Variants in CCDC171 observed in about 807,000 individuals in gnomAD.
CCDC171 encodes coiled-coil domain containing 171.
In CCDC171, 177 loss-of-function variants were observed where a neutral mutation model predicts 168.2. That is an observed-to-expected ratio of 1.05 (90% CI 0.93 to 1.19). CCDC171 has a LOEUF of 1.19. Ranked by LOEUF, CCDC171 falls within the 50% of genes most tolerant of loss-of-function variation. The probability of loss-of-function intolerance (pLI) is 0.00; values close to 1 mark genes in which losing one functional copy is unlikely to be tolerated. For missense variants in CCDC171, 1,991 were observed against 1,539.0 expected, an observed-to-expected ratio of 1.29 and a Z score of -4.91; for synonymous variants, 687 against 540.8, an observed-to-expected ratio of 1.27 and a Z score of -3.75.
intron 3 of CCDC171, among the ~76,000 whole-genome samples, chr9:15,995,744 A>G (rs1832349320): frequency 6.6e-6 from 1 of 152,242 alleles, no homozygotes; most frequent in African/African-American, 2.4e-5. Flanking sequence ...TTAAAAACTT[A>G]ACACTGTGTG....
intron 6 of CCDC171, among the ~76,000 whole-genome samples, chr9:15,608,825 G>T (rs1207196689): frequency 6.7e-6 from 1 of 149,848 alleles, no homozygotes; most frequent in Non-Finnish European, 1.5e-5. Flanking sequence ...AGGCGTAGTG[G>T]CATATACCTG....
At chr9:16,033,347 A>G (rs1163400805) in intron 6 of CCDC171, among the ~76,000 whole-genome samples, 3 of 152,204 alleles carry the variant, frequency 2.0e-5, no homozygotes, top group Non-Finnish European at 4.4e-5. Context: ...CTGTACTTAC[A>G]GCCACTCTCC....
At position 15,819,886 on chromosome 9, in the gene CCDC171, C is replaced by A. The variant is rs1313709173; in HGVS notation, c.3268-26816C>A. On this transcript the variant is annotated intron_variant, in intron 21 of 25. Coordinates refer to ENST00000380701, the MANE Select transcript of CCDC171 (RefSeq NM_173550.4). ...CTCCACCCCAAATCAATAGAATACA[C>A]ATTCTTTTCAGCACCACACCACACC... Among the ~76,000 whole-genome samples the A allele has an allele frequency of 5.1e-5, 6 of 117,874 alleles. 2 individuals carry two copies. Among genetic ancestry groups the A allele is most frequent in the African/African-American group, 1.9e-4 (6 of 31,356 alleles). The allele number at this position is 117,874 out of a possible 152,430, so 77.3% of individuals were successfully genotyped here.
At chr9:15,789,862 T>C (rs1028473563) in intron 21 of CCDC171, among the ~76,000 whole-genome samples, 10 of 151,576 alleles carry the variant, frequency 6.6e-5, no homozygotes, top group African/African-American at 2.4e-4. Context: ...TTTGGTTTTT[T>C]GTCCCTGCAA....
intron 3 of CCDC171, among the ~76,000 whole-genome samples, chr9:15,999,694 T>C (rs1296738526): frequency 6.6e-6 from 1 of 152,216 alleles, no homozygotes; most frequent in African/African-American, 2.4e-5. Context: ...ATCTGGACAC[T>C]TCATGCAGCC....
chr9:15,981,939 C>G (rs1831809130), intron 3 of CCDC171, among the ~76,000 whole-genome samples: 1 of 152,108 alleles, frequency 6.6e-6, no homozygotes, highest in South Asian at 2.1e-4. Flanking sequence ...TTTTCATGAA[C>G]AGTAAAAAGC....
chr9:15,674,984 T>C (rs1049101752), intron 9 of CCDC171, among the ~76,000 whole-genome samples: 1 of 152,100 alleles, frequency 6.6e-6, no homozygotes, highest in African/African-American at 2.4e-5. Flanking sequence ...ATTATTATTG[T>C]ATGGGAGTCT....
intron 25 of CCDC171, among the ~76,000 whole-genome samples, chr9:15,945,201 A>T (rs1169175246): frequency 6.6e-6 from 1 of 150,450 alleles, no homozygotes; most frequent in Admixed American, 6.7e-5. Flanking sequence ...CCTACAAAGG[A>T]CATGAACTCA....
At chr9:15,992,097 G>C (rs1454307044) in intron 3 of CCDC171, among the ~76,000 whole-genome samples, 1 of 152,124 alleles carries the variant, frequency 6.6e-6, no homozygotes, top group Non-Finnish European at 1.5e-5. Context: ...GCATCATCCT[G>C]ATACCAAAGC....
chr9:15,744,605 C>A lies in CCDC171; in HGVS notation c.2382C>A (p.Phe794Leu), dbSNP rs1294529736. Residue 794 changes from phenylalanine (F) to leucine (L), a missense_variant, in exon 17 of 26, where the codon TTC (phenylalanine) becomes TTA (leucine). Phe to Leu is a conservative substitution (Grantham distance 22). Transcript: ENST00000380701. ...AAGCCAAGATGAAAAAGAAAACATT[C>A]AAAGGATTGATACGTATATTTCGGA... Reference protein sequence around the residue: ...QEEAKMKKKTFKGLIRIFRKG... With the variant: ...QEEAKMKKKTLKGLIRIFRKG... 4.3e-6 allele frequency: 7 copies of A among 1,614,004 alleles called. No homozygotes were observed. Among genetic ancestry groups the A allele is most frequent in the Non-Finnish European group, 5.9e-6 (7 of 1,180,014 alleles).
At chr9:16,105,773 C>T in the CCDC171 span, among the ~76,000 whole-genome samples, 9 of 152,192 alleles carry the variant, frequency 5.9e-5, 1 homozygote, top group Admixed American at 3.9e-4. Flanking sequence ...CTAACCAACA[C>T]GGTTTTTGGC....
rs183917501 is a variant in CCDC171, at chr9:15,921,269, C to T, written c.3753+847C>T. On this transcript the variant is annotated intron_variant, in intron 25 of 25. Transcript: ENST00000380701. ...GATGCATGGCTGTGGTCTGATTCCT[C>T]ACCTTCTAGTCTTGGCTCAAGTGCC... Among the ~76,000 whole-genome samples the T allele has an allele frequency of 5.3e-5, 8 of 151,754 alleles. 1 individual carries two copies. In the East Asian group the frequency reaches 5.8e-4, roughly 11 times the overall value.
intron 7 of CCDC171, among the ~76,000 whole-genome samples, chr9:15,627,172 T>C (rs2045215238): frequency 6.6e-6 from 1 of 152,190 alleles, no homozygotes; most frequent in South Asian, 2.1e-4. Flanking sequence ...ATCCCCTTTA[T>C]CATTTTTTGT....
chr9:15,967,582 C>T (rs78963013), intron 25 of CCDC171, among the ~76,000 whole-genome samples: 3,417 of 152,172 alleles, frequency 0.022, 54 homozygotes, highest in Non-Finnish European at 0.038. Context: ...TTCTGTCACA[C>T]GTGGAATTAT....
intron 25 of CCDC171, among the ~76,000 whole-genome samples, chr9:15,965,131 T>C (rs1830676306): frequency 6.6e-6 from 1 of 152,152 alleles, no homozygotes; most frequent in Non-Finnish European, 1.5e-5. Context: ...ACATATAAGC[T>C]CCTTTGATGA....
chr9:15,811,649 T>G (rs929649529), intron 21 of CCDC171, among the ~76,000 whole-genome samples: 46 of 152,184 alleles, frequency 3.0e-4, no homozygotes, highest in Admixed American at 1.6e-3. Flanking sequence ...CTACTAATGA[T>G]TTTTTTCTTG....
Position 15,972,148 on chromosome 9 carries a change from T to G in CCDC171, c.*312T>G. 1 of 306,596 alleles carries G rather than the reference T, an allele frequency of 3.3e-6. No homozygotes were observed. Among genetic ancestry groups the G allele is most frequent in the Non-Finnish European group, 6.0e-6 (1 of 166,200 alleles). 19.0% of individuals were successfully genotyped at this position (306,596 alleles called of 1,614,324 possible). A position where few individuals can be genotyped will look rare whatever the true frequency, so the allele number is the denominator to read the frequency against. On this transcript the variant is annotated 3_prime_UTR_variant, in exon 26 of 26. Transcript: ENST00000380701. ...AATCAATAAGCCATTTTAGTCTCTA[T>G]CTATCAAAGTTGTTTCATACTTGTC...
chr9:15,793,551 G>GTTTTTTTTTTTT lies in CCDC171; in HGVS notation c.3267+8875_3267+8886dup, dbSNP rs3082839. ...AGCACCACATCGCACTTATTCCAAG[G>GTTTTTTTTTTTT]TTTTTTTTTTTTTTTTTTTTTTTTT... On this transcript the variant is annotated intron_variant, in intron 21 of 25. Transcript: ENST00000380701. 1.8e-4 allele frequency among the ~76,000 whole-genome samples: 14 copies of GTTTTTTTTTTTT among 77,060 alleles called. 4 individuals carry two copies. The highest frequency in any genetic ancestry group is 9.0e-4 in the African/African-American group (14 of 15,542). The allele number at this position is 77,060 out of a possible 152,430, so 50.6% of individuals were successfully genotyped here.
rs78655287 is a variant in CCDC171, at chr9:15,781,943, A to T, written c.3082-2566A>T. 7.4e-4 allele frequency among the ~76,000 whole-genome samples: 113 copies of T among 152,260 alleles called. 1 individual carries two copies. The East Asian group carries it at 0.021, about 29-fold the overall frequency. On this transcript the variant is annotated intron_variant, in intron 20 of 25. Transcript: ENST00000380701. ...GTAGCTTGCCTGGAGTCATATAGTTATTAATGGAAATGACAGACTTTGAAC... is the reference window on the plus strand; with the variant it reads ...GTAGCTTGCCTGGAGTCATATAGTTTTTAATGGAAATGACAGACTTTGAAC...
Sources: gnomAD v4.1 joint callset for allele counts (sites outside exome capture counted in the v4.1 genomes callset) on GRCh38, gnomAD v4.1.1 for gene constraint, MANE v1.5 for transcripts, NCBI Gene and HGNC (gene_info 2026-07-23, HGNC 2026-07-21) for gene names.